Variants in PDGFD observed in about 807,000 individuals in gnomAD.
The protein encoded by PDGFD is platelet-derived growth factor D.
A neutral mutation model predicts 44.7 loss-of-function variants in PDGFD; 30 were observed. The ratio of observed to expected loss-of-function variants is 0.67; its 90% CI spans 0.50 to 0.91. The LOEUF is 0.91. Ranked by LOEUF, PDGFD falls within the 40% of genes least tolerant of loss-of-function variation. The probability of loss-of-function intolerance (pLI) is 0.00; values close to 1 mark genes in which losing one functional copy is unlikely to be tolerated. For missense variants in PDGFD, 445 were observed against 457.8 expected, an observed-to-expected ratio of 0.97 and a Z score of 0.25; for synonymous variants, 173 against 168.4, an observed-to-expected ratio of 1.03 and a Z score of -0.21.
At chr11:103,947,836 C>T in intron 3 of PDGFD, 112 bp from the exon 4 acceptor site, 1 of 789,906 alleles carries the variant, frequency 1.3e-6, no homozygotes, top group South Asian at 1.4e-5. Flanking sequence ...TGACAACAGA[C>T]ATAGGGCTAT....
chr11:103,989,953 TAAA>T (rs1185336574), intron 3 of PDGFD, among the ~76,000 whole-genome samples: 4 of 152,132 alleles, frequency 2.6e-5, no homozygotes, highest in African/African-American at 4.8e-5. Context: ...ATAATAATAA[TAAA>T]AAGATAAATA....
intron 1 of PDGFD, among the ~76,000 whole-genome samples, chr11:104,141,117 C>G (rs1006918443): frequency 6.6e-6 from 1 of 152,168 alleles, no homozygotes; most frequent in Non-Finnish European, 1.5e-5. Flanking sequence ...ACCTAACATG[C>G]CTTCTCTTTC....
At chr11:104,074,628 T>A (rs1217041830) in intron 1 of PDGFD, among the ~76,000 whole-genome samples, 1 of 152,198 alleles carries the variant, frequency 6.6e-6, no homozygotes, top group Non-Finnish European at 1.5e-5. Flanking sequence ...TATAATGCAG[T>A]GTATTCATAG....
chr11:103,950,571 A>T (rs202184771), intron 3 of PDGFD, among the ~76,000 whole-genome samples: 3 of 146,184 alleles, frequency 2.1e-5, no homozygotes, highest in African/African-American at 7.7e-5. Flanking sequence ...CTCAAAAGAA[A>T]AAATAAATAA....
At chr11:103,933,813 T>G (rs969173290) in intron 5 of PDGFD, among the ~76,000 whole-genome samples, 1 of 152,178 alleles carries the variant, frequency 6.6e-6, no homozygotes, top group Non-Finnish European at 1.5e-5. Context: ...CCACTGGACG[T>G]AAGTAGATAT....
At chr11:104,020,601 A>C (rs1264697657) in intron 1 of PDGFD, among the ~76,000 whole-genome samples, 1 of 152,156 alleles carries the variant, frequency 6.6e-6, no homozygotes, top group Non-Finnish European at 1.5e-5. Flanking sequence ...AGTGGAAAAC[A>C]TACTTTTCTA....
chr11:103,961,660 C>T (rs892704770), intron 3 of PDGFD, among the ~76,000 whole-genome samples: 3 of 152,106 alleles, frequency 2.0e-5, no homozygotes, highest in African/African-American at 4.8e-5. Context: ...ATCTATTCAG[C>T]GATTCATTTA....
intron 3 of PDGFD, among the ~76,000 whole-genome samples, chr11:103,957,763 T>C (rs2134334373): frequency 6.6e-6 from 1 of 152,110 alleles, no homozygotes; most frequent in East Asian, 1.9e-4. Context: ...GTCATGAGAA[T>C]GATATTCAAG....
intron 1 of PDGFD, among the ~76,000 whole-genome samples, chr11:104,078,943 C>T (rs1470488685): frequency 1.3e-5 from 2 of 152,190 alleles, no homozygotes; most frequent in East Asian, 3.9e-4. Flanking sequence ...AGAAAGCCTC[C>T]ACTTAGCAAT....
chr11:103,932,476 G>C (rs531696218), intron 5 of PDGFD, among the ~76,000 whole-genome samples: 2 of 152,196 alleles, frequency 1.3e-5, no homozygotes, highest in South Asian at 4.1e-4. Context: ...GTGTTTATTG[G>C]GATGTAAACC....
At chr11:103,989,904 C>A (rs1859425447) in intron 3 of PDGFD, among the ~76,000 whole-genome samples, 3 of 151,944 alleles carry the variant, frequency 2.0e-5, no homozygotes, top group Admixed American at 2.0e-4. Context: ...TTTGGTAGGA[C>A]AGTTCTGATG....
chr11:104,063,090 A>T (rs1354589663), intron 1 of PDGFD, among the ~76,000 whole-genome samples: 3 of 152,172 alleles, frequency 2.0e-5, no homozygotes, highest in Non-Finnish European at 4.4e-5. Context: ...ACTGGGAGAC[A>T]TGAATTCAAT....
At chr11:104,102,779 G>A (rs1861410053) in intron 1 of PDGFD, among the ~76,000 whole-genome samples, 2 of 152,074 alleles carry the variant, frequency 1.3e-5, no homozygotes, top group African/African-American at 4.8e-5. Flanking sequence ...TCCTTTGTAG[G>A]GACATGGATG....
chr11:103,987,206 CCT>C (rs1434353861), intron 3 of PDGFD, among the ~76,000 whole-genome samples: 6 of 152,220 alleles, frequency 3.9e-5, no homozygotes, highest in South Asian at 4.1e-4. Context: ...TTACAATTCC[CCT>C]GTCTTAATAA....
intron 1 of PDGFD, among the ~76,000 whole-genome samples, chr11:104,123,187 C>A (rs1861801385): frequency 6.6e-6 from 1 of 151,898 alleles, no homozygotes; most frequent in Non-Finnish European, 1.5e-5. Flanking sequence ...AATAAGAGAC[C>A]AGCAGCATAG....
chr11:104,112,964 C>G (rs1048864949), intron 1 of PDGFD, among the ~76,000 whole-genome samples: 3 of 151,992 alleles, frequency 2.0e-5, no homozygotes, highest in Non-Finnish European at 2.9e-5. Context: ...ATAATCTGTA[C>G]AGCAAACCTC....
intron 1 of PDGFD, among the ~76,000 whole-genome samples, chr11:104,109,770 A>C (rs571041218): frequency 3.3e-5 from 5 of 152,074 alleles, no homozygotes; most frequent in African/African-American, 7.3e-5. Context: ...TACATCATTA[A>C]GTTAAAAAAA....
At position 103,943,580 on chromosome 11, in the gene PDGFD, G is replaced by A. The variant is rs535085754; in HGVS notation, c.644C>T (p.Ala215Val). Reference protein sequence around the residue: ...LIADALDKKIAEFDTVEDLLK... With the variant: ...LIADALDKKIVEFDTVEDLLK... ...CAGATCTTCCACTGTATCAAATTCT[G>A]CAATTTTTTTGTCCAGAGCATCCGC... is the stretch of plus-strand genomic sequence containing the variant. Residue 215 changes from alanine to valine, a missense_variant, in exon 5 of 7, where the codon GCA (alanine) becomes GTA (valine). Coordinates refer to ENST00000393158, the MANE Select transcript of PDGFD (RefSeq NM_025208.5). The A allele has an allele frequency of 1.0e-4, 165 of 1,613,244 alleles. No individual in the cohort carries two copies. Among genetic ancestry groups the A allele is most frequent in the Admixed American group, 3.0e-4 (18 of 59,850 alleles).
At chr11:104,013,066 T>C (rs1377635308) in intron 1 of PDGFD, among the ~76,000 whole-genome samples, 2 of 152,172 alleles carry the variant, frequency 1.3e-5, no homozygotes, top group African/African-American at 4.8e-5. Context: ...CAAACTCCGC[T>C]GGCAGAGGAG....
Sources: allele counts gnomAD v4.1 joint callset (sites outside exome capture counted in the v4.1 genomes callset), GRCh38; gene constraint gnomAD v4.1.1; transcripts MANE v1.5; gene names NCBI Gene and HGNC (gene_info 2026-07-23, HGNC 2026-07-21).